Variants in SULF2 observed in about 807,000 individuals in gnomAD.
The protein encoded by SULF2 is sulfatase 2.
In SULF2, 52 loss-of-function variants were observed where a neutral mutation model predicts 107.7. That is an observed-to-expected ratio of 0.48 (90% CI 0.39 to 0.61). The LOEUF (loss-of-function observed/expected upper bound fraction) is 0.61, where lower values mean the gene tolerates loss of function less well. SULF2 is among the 20% of genes least tolerant of loss of function. The probability of loss-of-function intolerance (pLI) is 0.00; values close to 1 mark genes in which losing one functional copy is unlikely to be tolerated. For missense variants in SULF2, 993 were observed against 1,177.3 expected (o/e 0.84, Z 2.29); for synonymous variants, 460 against 464.3 (o/e 0.99, Z 0.12).
At chr20:47,770,053 GTTTTTTT>G (rs56786760) in intron 1 of SULF2, among the ~76,000 whole-genome samples, 6 of 63,084 alleles carry the variant, frequency 9.5e-5, no homozygotes, top group African/African-American at 2.2e-4. Context: ...ATCTGGTGTA[GTTTTTTT>G]TTTTTTTTTT....
At chr20:47,718,308 C>T (rs2089186223) in intron 3 of SULF2, among the ~76,000 whole-genome samples, 1 of 152,182 alleles carries the variant, frequency 6.6e-6, no homozygotes, top group Non-Finnish European at 1.5e-5. Flanking sequence ...AATATGTTAA[C>T]TGCCTCTAAA....
At chr20:47,755,992 G>A (rs6018674) in intron 2 of SULF2, among the ~76,000 whole-genome samples, 1,541 of 151,856 alleles carry the variant, frequency 0.01, 30 homozygotes, top group African/African-American at 0.034. Flanking sequence ...CACCTGGAAT[G>A]AGCCTCCCTT....
intron 4 of SULF2, among the ~76,000 whole-genome samples, chr20:47,695,203 C>T (rs1336112546): frequency 1.3e-5 from 2 of 152,088 alleles, no homozygotes; most frequent in African/African-American, 4.8e-5. Flanking sequence ...TGTCCGTGCT[C>T]CAGTAAAGCT....
At position 47,736,740 on chromosome 20, in the gene SULF2, G is replaced by C. The variant is rs760160185; in HGVS notation, c.378C>G (p.Thr126=). The stretch of plus-strand genomic sequence containing the variant: ...CAGTGCTATTGAGGTACACGGCAAA[G>C]GTGCGGCTCTCGTGCTGTGCCTGCC... ...PSWQAQHESR[T]FAVYLNSTGY... is the part of the protein sequence containing the mutation. The change falls in exon 3 of 21, where the codon ACC becomes ACG. Residue 126 remains threonine (T), a synonymous_variant. Coordinates refer to ENST00000688720, the MANE Select transcript of SULF2 (RefSeq NM_001387048.1). 1 of 1,614,244 alleles carries C rather than the reference G, an allele frequency of 6.2e-7. No individual in the cohort carries two copies. Among genetic ancestry groups the C allele is most frequent in the Non-Finnish European group, 8.5e-7 (1 of 1,180,044 alleles).
intron 1 of SULF2, among the ~76,000 whole-genome samples, chr20:47,764,373 A>G (rs996893906): frequency 3.9e-5 from 6 of 152,098 alleles, no homozygotes; most frequent in Non-Finnish European, 7.3e-5. Flanking sequence ...TACTGGCTTA[A>G]CAAAGAATTA....
chr20:47,661,666 C>T (rs963754674), intron 18 of SULF2, 107 bp downstream of exon 18: 128 of 1,244,576 alleles, frequency 1.0e-4, no homozygotes, highest in Middle Eastern at 9.3e-4. Flanking sequence ...TATCACCTCC[C>T]AAAGCCTGGT....
At chr20:47,730,343 C>T (rs2089561835) in intron 3 of SULF2, among the ~76,000 whole-genome samples, 1 of 152,248 alleles carries the variant, frequency 6.6e-6, no homozygotes, top group Admixed American at 6.5e-5. Flanking sequence ...GAAACAACTT[C>T]AGAACTGCCA....
chr20:47,733,443 A>C (rs2089660558), intron 3 of SULF2, among the ~76,000 whole-genome samples: 1 of 152,254 alleles, frequency 6.6e-6, no homozygotes, highest in African/African-American at 2.4e-5. Context: ...ATTAGTTGCA[A>C]CTAGAGCCCA....
chr20:47,708,628 G>T (rs182785355), intron 3 of SULF2, among the ~76,000 whole-genome samples: 1 of 152,294 alleles, frequency 6.6e-6, no homozygotes, highest in East Asian at 1.9e-4. Context: ...AGAGAAAAAG[G>T]CTTCACTGAA....
At chr20:47,765,360 A>C (rs1460253659) in intron 1 of SULF2, among the ~76,000 whole-genome samples, 2 of 97,046 alleles carry the variant, frequency 2.1e-5, no homozygotes, top group East Asian at 8.0e-4. Context: ...TTAAAAAAAA[A>C]CAAAACAAAA....
intron 20 of SULF2, 103 bp from the exon 21 acceptor site, chr20:47,658,495 G>A: frequency 8.1e-7 from 1 of 1,235,750 alleles, no homozygotes; most frequent in Non-Finnish European, 1.2e-6. Context: ...CAAGGCTGCT[G>A]AGAATGAATA....
rs1180810329 is a variant in SULF2, at chr20:47,683,033, G to T, written c.1025C>A (p.Pro342Gln). 6.2e-7 allele frequency: 1 copy of T among 1,613,124 alleles called. No individual in the cohort carries two copies. Among genetic ancestry groups the T allele is most frequent in the South Asian group, 1.1e-5 (1 of 91,042 alleles). The change falls in exon 7 of 21, where the codon CCG (proline) becomes CAG (glutamine). Residue 342 changes from proline (P) to glutamine (Q), a missense_variant. Pro to Gln is a moderately conservative substitution (Grantham distance 76). This residue lies in a region of SULF2 where 108 missense variants were observed against 183.9 expected (regional missense o/e 0.59). Transcript: ENST00000688720. ...SMPYEFDIRV[P>Q]FYVRGPNVEA... ...CACGTTGGGGCCCCTCACGTAGAAC[G>T]GGACCCTGATGTCAAACTCATATGG... is the stretch of plus-strand genomic sequence containing the variant.
intron 4 of SULF2, among the ~76,000 whole-genome samples, chr20:47,698,046 C>A (rs2088442480): frequency 6.6e-6 from 1 of 152,194 alleles, no homozygotes; most frequent in South Asian, 2.1e-4. Context: ...CTACTATGTG[C>A]AGAATGAGAC....
At chr20:47,713,256 G>A (rs983487262) in intron 3 of SULF2, among the ~76,000 whole-genome samples, 2 of 152,118 alleles carry the variant, frequency 1.3e-5, no homozygotes, top group Admixed American at 6.5e-5. Context: ...ATGACCTGGC[G>A]GGGTGGGGGA....
rs776772374 is a variant in SULF2 at position 47,757,248 on chromosome 20, C to T, written c.116G>A (p.Arg39His). Residue 39 changes from arginine (R) to histidine (H), a missense_variant, in exon 2 of 21, where the codon CGC becomes CAC. Coordinates refer to ENST00000688720, the MANE Select transcript of SULF2 (RefSeq NM_001387048.1). Reference protein sequence around the residue: ...HRLKGRFQRDRRNIRPNIILV... With the variant: ...HRLKGRFQRDHRNIRPNIILV... ...GATGATGTTGGGGCGGATGTTCCTG[C>T]GGTCCCTCTGAAACCTGCCTTTCAG... is the stretch of plus-strand genomic sequence containing the variant. The T allele has an allele frequency of 5.5e-5, 87 of 1,570,908 alleles. 1 individual carries two copies. In the East Asian group the frequency reaches 1.7e-3, roughly 31 times the overall value.
chr20:47,755,533 C>A (rs374522754), intron 2 of SULF2, among the ~76,000 whole-genome samples: 4 of 152,180 alleles, frequency 2.6e-5, no homozygotes, highest in East Asian at 3.9e-4. Context: ...TGAAACGTAT[C>A]TTTTCCATAA....
chr20:47,665,653 C>T (rs763963249), intron 13 of SULF2, among the ~76,000 whole-genome samples: 4 of 152,224 alleles, frequency 2.6e-5, no homozygotes, highest in Non-Finnish European at 4.4e-5. Context: ...GCTAAGCCAT[C>T]GTCCCTCAGA....
Position 47,666,392 on chromosome 20 carries a change from T to C in SULF2, c.1673A>G (p.Gln558Arg), listed in dbSNP as rs202019700. 19 of 1,613,960 alleles carry C rather than the reference T, an allele frequency of 1.2e-5. No individual in the cohort carries two copies. The highest frequency in any genetic ancestry group is 1.7e-5 in the Admixed American group (1 of 60,014). ...GTGCCGCTTGGTGAGGTTTCGGGGC[T>C]GGGCGGCATCACCCAGGCCTACGTG... ...VYHVGLGDAA[Q>R]PRNLTKRHWP... Residue 558 changes from glutamine to arginine, a missense_variant, in exon 12 of 21, where the codon CAG becomes CGG. By Grantham distance (43) the Gln-to-Arg change is conservative. Coordinates refer to ENST00000688720, the MANE Select transcript of SULF2 (RefSeq NM_001387048.1). The surrounding 1 kb of genome is among the most constrained non-coding windows in gnomAD (Gnocchi z 5.4).
intron 3 of SULF2, among the ~76,000 whole-genome samples, chr20:47,724,299 G>A (rs2089377631): frequency 6.6e-6 from 1 of 152,224 alleles, no homozygotes; most frequent in South Asian, 2.1e-4. Flanking sequence ...CAAGCAGATC[G>A]CCAGGGCGAG....
Sources: allele counts gnomAD v4.1 joint callset (sites outside exome capture counted in the v4.1 genomes callset), GRCh38; gene constraint gnomAD v4.1.1; regional missense constraint gnomAD v4.1.1; non-coding constraint Gnocchi (gnomAD v3.1); transcripts MANE v1.5; gene names NCBI Gene and HGNC (gene_info 2026-07-23, HGNC 2026-07-21).